Variants in TENM3 observed in about 807,000 individuals in gnomAD.
The protein encoded by TENM3 is teneurin transmembrane protein 3.
In TENM3, 63 loss-of-function variants were observed where a neutral mutation model predicts 255.1. The observed-to-expected ratio is 0.25, with a 90% CI of 0.20 to 0.30. The LOEUF (loss-of-function observed/expected upper bound fraction) is 0.30. TENM3 is among the 10% of genes least tolerant of loss of function. TENM3 has a pLI of 1.00. For missense variants in TENM3, 2,929 were observed against 3,461.1 expected, an observed-to-expected ratio of 0.85 and a Z score of 3.86; for synonymous variants, 1,306 against 1,322.3, an observed-to-expected ratio of 0.99 and a Z score of 0.27.
the TENM3 span, among the ~76,000 whole-genome samples, chr4:182,138,259 G>A: frequency 6.6e-6 from 1 of 152,204 alleles, no homozygotes. Context: ...ATCTTTGCAT[G>A]TGTGATAAGC....
the TENM3 span, among the ~76,000 whole-genome samples, chr4:181,917,138 T>C: frequency 2.6e-5 from 4 of 152,168 alleles, no homozygotes; most frequent in African/African-American, 9.7e-5. Context: ...TATGGGTGCT[T>C]GAACACATCA....
chr4:181,741,713 C>A, the TENM3 span, among the ~76,000 whole-genome samples: 1 of 152,152 alleles, frequency 6.6e-6, no homozygotes, highest in Non-Finnish European at 1.5e-5. Flanking sequence ...GCCTAGTCAG[C>A]ACTAGGATGA....
At chr4:182,337,490 G>T (rs1158016161) in intron 2 of TENM3, among the ~76,000 whole-genome samples, 2 of 152,088 alleles carry the variant, frequency 1.3e-5, no homozygotes, top group African/African-American at 4.8e-5. Context: ...AAACCACAAT[G>T]AAATACTACC....
intron 3 of TENM3, among the ~76,000 whole-genome samples, chr4:182,444,917 C>A (rs1269247335): frequency 6.6e-6 from 1 of 152,166 alleles, no homozygotes; most frequent in African/African-American, 2.4e-5. Flanking sequence ...AAGTGATTCT[C>A]CTGCCCTAGC....
chr4:182,603,792 C>G (rs1748144350), intron 4 of TENM3, among the ~76,000 whole-genome samples: 1 of 107,538 alleles, frequency 9.3e-6, no homozygotes, highest in Non-Finnish European at 2.1e-5. Context: ...TATACACACA[C>G]ACACCGATTT....
At chr4:182,233,789 C>T (rs952475487) in intron 1 of TENM3, among the ~76,000 whole-genome samples, 6 of 152,336 alleles carry the variant, frequency 3.9e-5, no homozygotes, top group South Asian at 4.1e-4. Flanking sequence ...AAAGGAATCA[C>T]TTTAGAAGGG....
chr4:181,991,568 C>G, the TENM3 span, among the ~76,000 whole-genome samples: 2 of 152,152 alleles, frequency 1.3e-5, no homozygotes, highest in African/African-American at 4.8e-5. Flanking sequence ...TGGCTACTCA[C>G]TGGCCCATGT....
chr4:181,720,442 G>T, the TENM3 span, among the ~76,000 whole-genome samples: 6,030 of 152,192 alleles, frequency 0.04, 204 homozygotes, highest in Middle Eastern at 0.12. Flanking sequence ...GGTGTTACAG[G>T]CTGCATTTTT....
At chr4:182,785,262 G>A (rs1247081925) in intron 24 of TENM3, among the ~76,000 whole-genome samples, 1 of 151,760 alleles carries the variant, frequency 6.6e-6, no homozygotes, top group Non-Finnish European at 1.5e-5. Context: ...TCTACAGACA[G>A]GATTTCACCA....
chr4:181,557,013 G>T, the TENM3 span, among the ~76,000 whole-genome samples: 1 of 152,110 alleles, frequency 6.6e-6, no homozygotes, highest in Non-Finnish European at 1.5e-5. Context: ...AGTCAGAAAT[G>T]TATCTCAGAA....
intron 4 of TENM3, among the ~76,000 whole-genome samples, chr4:182,604,231 C>G (rs542899764): frequency 4.1e-4 from 62 of 152,282 alleles, no homozygotes; most frequent in African/African-American, 1.4e-3. Context: ...TAGAATACTT[C>G]TGGTCTATAA....
At chr4:181,666,588 A>G in the TENM3 span, among the ~76,000 whole-genome samples, 4 of 152,202 alleles carry the variant, frequency 2.6e-5, no homozygotes, top group Non-Finnish European at 5.9e-5. Flanking sequence ...TTCTATGTAG[A>G]CTACAAGGCT....
At chr4:181,626,938 G>T in the TENM3 span, among the ~76,000 whole-genome samples, 7 of 152,226 alleles carry the variant, frequency 4.6e-5, no homozygotes, top group Admixed American at 6.5e-5. Context: ...CTAAGGGAAA[G>T]ATGCTGGTGC....
intron 1 of TENM3, among the ~76,000 whole-genome samples, chr4:182,313,251 C>A (rs1762555091): frequency 6.6e-6 from 1 of 151,798 alleles, no homozygotes; most frequent in South Asian, 2.1e-4. Context: ...AAAAATCTTT[C>A]AGTATTCACA....
intron 2 of TENM3, among the ~76,000 whole-genome samples, chr4:182,344,178 T>C (rs1176800140): frequency 6.6e-6 from 1 of 152,056 alleles, no homozygotes; most frequent in East Asian, 1.9e-4. Flanking sequence ...GATGAAAAAA[T>C]AGAGTGTAAA....
intron 3 of TENM3, among the ~76,000 whole-genome samples, chr4:182,469,612 G>T (rs1042840346): frequency 5.3e-5 from 8 of 152,032 alleles, no homozygotes; most frequent in Non-Finnish European, 1.2e-4. Flanking sequence ...TACTCAGGAG[G>T]CTGAGGCAAG....
At chr4:181,557,940 T>G in the TENM3 span, among the ~76,000 whole-genome samples, 1 of 152,216 alleles carries the variant, frequency 6.6e-6, no homozygotes, top group Non-Finnish European at 1.5e-5. Flanking sequence ...AACTTTCAGG[T>G]CTATCGAAGC....
At chr4:182,729,912 G>C (rs1281673594) in intron 14 of TENM3, among the ~76,000 whole-genome samples, 1 of 152,066 alleles carries the variant, frequency 6.6e-6, no homozygotes, top group Admixed American at 6.5e-5. Flanking sequence ...AAAGCACAGA[G>C]TTTATCATTT....
At position 182,737,014 on chromosome 4, in the gene TENM3, T is replaced by A. The variant is rs754822400; in HGVS notation, c.3174T>A (p.Thr1058=). ...WFPASPNLAY[T]FIWDKTDAYN... is the part of the protein sequence containing the mutation. ...CTGCCTCACCAAACTTGGCCTATACTTTCATATGGGATAAAACAGATGCAT... is the reference window on the plus strand; with the variant it reads ...CTGCCTCACCAAACTTGGCCTATACATTCATATGGGATAAAACAGATGCAT... The change falls in exon 17 of 28, where the codon ACT becomes ACA. Residue 1058 remains threonine, a synonymous_variant. Coordinates refer to ENST00000511685, the MANE Select transcript of TENM3 (RefSeq NM_001080477.4). 11 of 1,613,762 alleles carry A rather than the reference T, an allele frequency of 6.8e-6. No individual in the cohort carries two copies. The highest frequency in any genetic ancestry group is 8.5e-6 in the Non-Finnish European group (10 of 1,179,806).
Sources: allele counts gnomAD v4.1 joint callset (sites outside exome capture counted in the v4.1 genomes callset), GRCh38; gene constraint gnomAD v4.1.1; transcripts MANE v1.5; gene names NCBI Gene and HGNC (gene_info 2026-07-23, HGNC 2026-07-21).